The following GALNT10 variants were observed in gnomAD, a reference collection of about 807,000 sequenced individuals.
GALNT10 encodes GalNAc transferase 10.
In GALNT10, 41 loss-of-function variants were observed where a neutral mutation model predicts 75.0. The observed-to-expected ratio is 0.55, with a 90% CI of 0.43 to 0.71. The LOEUF (loss-of-function observed/expected upper bound fraction) is 0.71. Among genes scored for constraint, GALNT10 ranks in the 30% least tolerant of loss-of-function variants. The pLI is 0.00. For missense variants in GALNT10, 727 were observed against 818.5 expected (o/e 0.89, Z 1.36); for synonymous variants, 302 against 313.0 (o/e 0.96, Z 0.37).
At chr5:154,271,431 A>T (rs1490655854) in intron 1 of GALNT10, among the ~76,000 whole-genome samples, 1 of 152,134 alleles carries the variant, frequency 6.6e-6, no homozygotes, top group Admixed American at 6.5e-5. Flanking sequence ...GCATCATTGC[A>T]CTCCAGCCTG....
At chr5:154,198,946 A>G (rs1277471446) in intron 1 of GALNT10, among the ~76,000 whole-genome samples, 2 of 152,232 alleles carry the variant, frequency 1.3e-5, no homozygotes, top group African/African-American at 4.8e-5. Flanking sequence ...AGACCTGTAT[A>G]TAAATCTGTC....
Position 154,412,807 on chromosome 5 carries a change from G to T in GALNT10, c.1387-82G>T. On this transcript the variant is annotated intron_variant, in intron 9 of 11. Coordinates refer to ENST00000297107, the MANE Select transcript of GALNT10 (RefSeq NM_198321.4). This position sits in a 1 kb window ranked among gnomAD's most constrained non-coding sequence, Gnocchi z 4.2. The stretch of plus-strand genomic sequence containing the variant: ...TTAATCCAGCTAATGTCTCCCACTT[G>T]GTTTCCCCTTTCACCTGGCAGGGAC... 1 of 901,346 alleles carries T rather than the reference G, an allele frequency of 1.1e-6. No individual in the cohort carries two copies. Among genetic ancestry groups the T allele is most frequent in the Non-Finnish European group, 1.9e-6 (1 of 535,184 alleles). 55.8% of individuals were successfully genotyped at this position (901,346 alleles called of 1,614,324 possible).
intron 4 of GALNT10, among the ~76,000 whole-genome samples, chr5:154,332,607 G>A (rs6580074): frequency 0.22 from 33,786 of 152,068 alleles, 4,105 homozygotes; most frequent in African/African-American, 0.33. Flanking sequence ...CTTGTGGTCT[G>A]GAAGGAGGTG....
chr5:154,380,039 C>A (rs958643716), intron 5 of GALNT10, among the ~76,000 whole-genome samples: 7 of 152,136 alleles, frequency 4.6e-5, no homozygotes, highest in African/African-American at 1.7e-4. Flanking sequence ...TGAGGAGCCT[C>A]GCAGGACTAG....
At position 154,352,252 on chromosome 5, in the gene GALNT10, C is replaced by T. The variant is rs1272502992; in HGVS notation, c.568+22514C>T. Among the ~76,000 whole-genome samples, 2 of 152,222 alleles carry T rather than the reference C, an allele frequency of 1.3e-5. No homozygotes were observed. The highest frequency in any genetic ancestry group is 4.8e-5 in the African/African-American group (2 of 41,454). On this transcript the variant is annotated intron_variant, in intron 4 of 11. Transcript: ENST00000297107. The surrounding 1 kb of genome is among the most constrained non-coding windows in gnomAD (Gnocchi z 4.4). ...AAGGGAAGGCTCCCTCAGCCACCCCCGGCTCCAGCTACTCTTCCACACCCC... is the reference window on the plus strand; with the variant it reads ...AAGGGAAGGCTCCCTCAGCCACCCCTGGCTCCAGCTACTCTTCCACACCCC...
chr5:154,214,962 TTAAC>T (rs1313682732), intron 1 of GALNT10, among the ~76,000 whole-genome samples: 3 of 152,312 alleles, frequency 2.0e-5, no homozygotes, highest in African/African-American at 4.8e-5. Flanking sequence ...GTGGCAATGA[TTAAC>T]TGAGAAAATA....
chr5:154,341,709 G>C (rs1020187791), intron 4 of GALNT10, among the ~76,000 whole-genome samples: 2 of 152,140 alleles, frequency 1.3e-5, no homozygotes, highest in Non-Finnish European at 2.9e-5. Flanking sequence ...GTTGCCATAC[G>C]ACAGAACTTG....
At chr5:154,203,064 AT>A (rs1473092616) in intron 1 of GALNT10, among the ~76,000 whole-genome samples, 4 of 152,186 alleles carry the variant, frequency 2.6e-5, no homozygotes, top group Non-Finnish European at 5.9e-5. Flanking sequence ...TTTAACTCTA[AT>A]TGTCAGGCTT....
intron 6 of GALNT10, among the ~76,000 whole-genome samples, chr5:154,385,288 C>T (rs943740979): frequency 6.6e-5 from 10 of 152,202 alleles, no homozygotes; most frequent in African/African-American, 2.4e-4. Context: ...CTGGGGGACG[C>T]TGACAGTCAG....
chr5:154,324,186 T>C (rs1298770680), intron 3 of GALNT10, among the ~76,000 whole-genome samples: 2 of 152,148 alleles, frequency 1.3e-5, no homozygotes, highest in African/African-American at 4.8e-5. Flanking sequence ...CCATGTGGGG[T>C]TCTGTCAGTG....
chr5:154,309,695 G>T (rs1286938335), intron 3 of GALNT10, among the ~76,000 whole-genome samples: 1 of 152,206 alleles, frequency 6.6e-6, no homozygotes, highest in East Asian at 1.9e-4. Flanking sequence ...AGCAGCTGGG[G>T]AGATGGAGTT....
At chr5:154,222,857 T>G (rs1200540353) in intron 1 of GALNT10, among the ~76,000 whole-genome samples, 1 of 152,246 alleles carries the variant, frequency 6.6e-6, no homozygotes, top group Non-Finnish European at 1.5e-5. Context: ...TTGTCTAATA[T>G]ATGTTTTGTG....
chr5:154,193,792 G>T (rs1774896285), intron 1 of GALNT10, among the ~76,000 whole-genome samples: 1 of 152,188 alleles, frequency 6.6e-6, no homozygotes, highest in Non-Finnish European at 1.5e-5. Context: ...AATTTATAGT[G>T]TTTATCATCT....
chr5:154,306,416 A>G (rs1204326703), intron 3 of GALNT10, among the ~76,000 whole-genome samples: 1 of 152,264 alleles, frequency 6.6e-6, no homozygotes, highest in African/African-American at 2.4e-5. Context: ...TATTACTTAC[A>G]TGTAAATAAC....
At chr5:154,239,191 G>T (rs2113667065) in intron 1 of GALNT10, among the ~76,000 whole-genome samples, 1 of 152,248 alleles carries the variant, frequency 6.6e-6, no homozygotes, top group South Asian at 2.1e-4. Context: ...ACTCTGCAGG[G>T]TAAGTACTGT....
intron 1 of GALNT10, among the ~76,000 whole-genome samples, chr5:154,219,838 T>TCTCA (rs1491445463): frequency 0.021 from 2,584 of 125,606 alleles, 55 homozygotes; most frequent in African/African-American, 0.068. Context: ...TCTCTCTCTC[T>TCTCA]CACACACACA....
chr5:154,366,028 G>A (rs1257064385), intron 4 of GALNT10, among the ~76,000 whole-genome samples: 4 of 152,210 alleles, frequency 2.6e-5, no homozygotes, highest in African/African-American at 4.8e-5. Context: ...GATAGTACTC[G>A]TTTTGGTTGG....
At chr5:154,218,542 G>C (rs1333055827) in intron 1 of GALNT10, among the ~76,000 whole-genome samples, 1 of 152,166 alleles carries the variant, frequency 6.6e-6, no homozygotes, top group Non-Finnish European at 1.5e-5. Context: ...GTAAAATGTA[G>C]AGTGCTAACC....
At chr5:154,285,408 A>T (rs974202223) in intron 1 of GALNT10, among the ~76,000 whole-genome samples, 1 of 152,156 alleles carries the variant, frequency 6.6e-6, no homozygotes, top group Non-Finnish European at 1.5e-5. Flanking sequence ...ATTGAAACTT[A>T]AAAGTAACAT....
Sources: gnomAD v4.1 joint callset for allele counts (sites outside exome capture counted in the v4.1 genomes callset) on GRCh38, gnomAD v4.1.1 for gene constraint, Gnocchi (gnomAD v3.1) non-coding constraint, MANE v1.5 for transcripts, NCBI Gene and HGNC (gene_info 2026-07-23, HGNC 2026-07-21) for gene names.